The following F10 variants were observed in gnomAD, a reference collection of about 807,000 sequenced individuals.
The protein encoded by F10 is Stuart-Prower factor.
F10 carries 29 observed loss-of-function variants against 37.1 expected under a neutral mutation model. The observed-to-expected ratio is 0.78, with a 90% CI of 0.58 to 1.07. F10 has a LOEUF of 1.07. Among genes scored for constraint, F10 ranks in the 50% least tolerant of loss-of-function variants. The pLI, the probability that F10 is intolerant of heterozygous loss-of-function variation, is 0.00. For synonymous variants in F10, 262 were observed against 268.6 expected, an observed-to-expected ratio of 0.98 and a Z score of 0.24; for missense variants, 539 against 667.9, an observed-to-expected ratio of 0.81 and a Z score of 2.13.
In F10 at chr13:113,143,718, A is replaced by AT; in HGVS notation, c.503-133_503-132insT. ...CCGACGACGTGGGGCCTCGCCCTGC[A>AT]AGCCCGCTGCCCCTCCGGGTGCCCC... On this transcript the variant is annotated intron_variant, in intron 5 of 7. Transcript: ENST00000375559. The surrounding 1 kb of genome is among the most constrained non-coding windows in gnomAD (Gnocchi z 6.8). The AT allele has an allele frequency of 6.1e-6, 8 of 1,316,276 alleles. No individual in the cohort carries two copies. Among genetic ancestry groups the AT allele is most frequent in the South Asian group, 3.2e-5 (2 of 62,422 alleles). The allele number at this position is 1,316,276 out of a possible 1,614,324, so 81.5% of individuals were successfully genotyped here.
In F10 at chr13:113,149,283, G is replaced by A. The variant is rs2036616903; in HGVS notation, c.1233G>A (p.Gln411=). The part of the protein sequence containing the change: ...NMFCAGYDTK[Q]EDACQGDSGG... The stretch of plus-strand genomic sequence containing the variant: ...TCTGTGCCGGCTACGACACCAAGCA[G>A]GAGGATGCCTGCCAGGGGGACAGCG... The change falls in exon 8 of 8, where the codon CAG becomes CAA. Residue 411 remains glutamine, a synonymous_variant. Transcript: ENST00000375559. This position sits in a 1 kb window ranked among gnomAD's most constrained non-coding sequence, Gnocchi z 7.5. 6.2e-7 allele frequency: 1 copy of A among 1,613,230 alleles called. No individual in the cohort carries two copies. The highest frequency in any genetic ancestry group is 8.5e-7 in the Non-Finnish European group (1 of 1,180,040).
chr13:113,143,724 GC>G lies in F10; in HGVS notation c.503-126del. 51 of 1,401,996 alleles carry G rather than the reference GC, an allele frequency of 3.6e-5. No homozygotes were observed. Among genetic ancestry groups the G allele is most frequent in the Admixed American group, 3.1e-4 (15 of 48,852 alleles). The allele number at this position is 1,401,996 out of a possible 1,614,324, so 86.8% of individuals were successfully genotyped here. A position where few individuals can be genotyped will look rare whatever the true frequency, so the allele number is the denominator to read the frequency against. On this transcript the variant is annotated intron_variant, in intron 5 of 7. Coordinates refer to ENST00000375559, the MANE Select transcript of F10 (RefSeq NM_000504.4). The surrounding 1 kb of genome is among the most constrained non-coding windows in gnomAD (Gnocchi z 6.8). ...ACGTGGGGCCTCGCCCTGCAAGCCC[GC>G]TGCCCCTCCGGGTGCCCCTGCGCTC...
At chr13:113,140,236 G>T (rs980629762) in intron 4 of F10, among the ~76,000 whole-genome samples, 1 of 151,888 alleles carries the variant, frequency 6.6e-6, no homozygotes, top group Non-Finnish European at 1.5e-5. Flanking sequence ...ACCAGTCCCG[G>T]CTAATTTTTT....
At position 113,129,458 on chromosome 13, in the gene F10, T is replaced by G. The variant is rs2036405117; in HGVS notation, c.77T>G (p.Ile26Ser). Residue 26 changes from isoleucine to serine, a missense_variant, in exon 2 of 8, where the codon ATC (isoleucine) becomes AGC (serine). By Grantham distance (142) the Ile-to-Ser change is moderately radical. Coordinates refer to ENST00000375559, the MANE Select transcript of F10 (RefSeq NM_000504.4). ...TGTCCTCCCTGCCTTCCAGTGTTCA[T>G]CCGCAGGGAGCAGGCCAACAACATC... ...GLLLLGESLFIRREQANNILA... is the reference protein window; with the variant it reads ...GLLLLGESLFSRREQANNILA... The G allele has an allele frequency of 1.2e-6, 2 of 1,613,652 alleles. No homozygotes were observed. The highest frequency in any genetic ancestry group is 1.3e-5 in the African/African-American group (1 of 74,878).
chr13:113,139,233 T>C lies in F10; in HGVS notation c.257-124T>C, dbSNP rs2036505245. On this transcript the variant is annotated intron_variant, in intron 3 of 7. Transcript: ENST00000375559. The surrounding 1 kb of genome is among the most constrained non-coding windows in gnomAD (Gnocchi z 5.2). ...TAAAGTCCAAAGAGGGGGAGTTGTTTACAGAGAAACCGGAAGACTCTTCCA... is the reference window on the plus strand; with the variant it reads ...TAAAGTCCAAAGAGGGGGAGTTGTTCACAGAGAAACCGGAAGACTCTTCCA... 2.6e-6 allele frequency: 2 copies of C among 754,816 alleles called. No individual in the cohort carries two copies. Among genetic ancestry groups the C allele is most frequent in the Non-Finnish European group, 4.6e-6 (2 of 437,324 alleles). 46.8% of individuals were successfully genotyped at this position (754,816 alleles called of 1,614,324 possible).
In F10 at chr13:113,143,994, G is replaced by A. The variant is rs144711550; in HGVS notation, c.646G>A (p.Asp216Asn). ...ADLDPTENPFDLLDFNQTQPE... is the reference protein window; with the variant it reads ...ADLDPTENPFNLLDFNQTQPE... ...CCTGGACCCCACCGAGAACCCCTTC[G>A]ACCTGCTTGACTTCAACCAGACGCA... The change falls in exon 6 of 8, where the codon GAC becomes AAC. Residue 216 changes from aspartate (D) to asparagine (N), a missense_variant. Around this residue, in one of 2 missense-constraint regions of F10, gnomAD observed 409 missense variants for 547.9 expected, o/e 0.75. Coordinates refer to ENST00000375559, the MANE Select transcript of F10 (RefSeq NM_000504.4). This position sits in a 1 kb window ranked among gnomAD's most constrained non-coding sequence, Gnocchi z 6.8. 1.8e-4 allele frequency: 295 copies of A among 1,613,546 alleles called. 1 individual carries two copies. Among genetic ancestry groups the A allele is most frequent in the Admixed American group, 4.0e-4 (24 of 59,992 alleles).
rs1407545418 is a variant in F10 at position 113,146,850 on chromosome 13, C to T, written c.748-529C>T. On this transcript the variant is annotated intron_variant, in intron 6 of 7. Coordinates refer to ENST00000375559, the MANE Select transcript of F10 (RefSeq NM_000504.4). The surrounding 1 kb of genome is among the most constrained non-coding windows in gnomAD (Gnocchi z 4.5). ...GGCACCCCTGTCAGTGCTTGCTCCC[C>T]TGGGACCGTGTTCCAAGTCCTGGCA... 6.6e-6 allele frequency among the ~76,000 whole-genome samples: 1 copy of T among 152,172 alleles called. No individual in the cohort carries two copies. The highest frequency in any genetic ancestry group is 1.5e-5 in the Non-Finnish European group (1 of 68,034).
Position 113,143,835 on chromosome 13 carries a change from G to A in F10, c.503-16G>A, listed in dbSNP as rs374261004. ...TCTCTCTGTGCTGAAGGCCCCGGCC[G>A]TCCTCTTTCTTTCAGGGCCCTACCC... is the stretch of plus-strand genomic sequence containing the variant. On this transcript the variant is annotated splice_polypyrimidine_tract_variant and intron_variant, in intron 5 of 7. Coordinates refer to ENST00000375559, the MANE Select transcript of F10 (RefSeq NM_000504.4). The surrounding 1 kb of genome is among the most constrained non-coding windows in gnomAD (Gnocchi z 6.8). 5.5e-5 allele frequency: 89 copies of A among 1,610,826 alleles called. No individual in the cohort carries two copies. The highest frequency in any genetic ancestry group is 6.4e-5 in the Non-Finnish European group (75 of 1,179,980).
intron 2 of F10, among the ~76,000 whole-genome samples, chr13:113,133,887 A>T (rs2036455491): frequency 6.6e-6 from 1 of 152,238 alleles, no homozygotes; most frequent in Admixed American, 6.5e-5. Context: ...AAAAATAATT[A>T]TGTAATCCAC....
intron 1 of F10, among the ~76,000 whole-genome samples, chr13:113,125,501 G>T (rs1443587672): frequency 6.6e-6 from 1 of 152,220 alleles, no homozygotes; most frequent in Non-Finnish European, 1.5e-5. Flanking sequence ...CACGACAAAT[G>T]TCTACCAATC....
chr13:113,137,547 T>C (rs1447795950), intron 2 of F10, among the ~76,000 whole-genome samples: 20 of 152,156 alleles, frequency 1.3e-4, no homozygotes, highest in Non-Finnish European at 8.8e-5. Context: ...AGGGCAACCA[T>C]AACAAAGCAC....
chr13:113,140,577 C>A (rs564742359), intron 4 of F10: 57 of 527,052 alleles, frequency 1.1e-4, no homozygotes, highest in South Asian at 8.1e-4. Context: ...GCATGTTGAT[C>A]TTTGCACTGT....
intron 1 of F10, among the ~76,000 whole-genome samples, chr13:113,126,599 C>T (rs953460215): frequency 6.6e-6 from 1 of 152,018 alleles, no homozygotes; most frequent in African/African-American, 2.4e-5. Flanking sequence ...TCTAGGGTAG[C>T]AGAGAAAAAA....
chr13:113,142,896 C>T (rs919319290), intron 5 of F10, among the ~76,000 whole-genome samples: 4 of 151,844 alleles, frequency 2.6e-5, no homozygotes, highest in Non-Finnish European at 5.9e-5. Context: ...CATGCCATTG[C>T]ACTCCAGCCT....
intron 2 of F10, 112 bp downstream of exon 2, chr13:113,129,724 C>T (rs986257056): frequency 2.8e-6 from 4 of 1,426,980 alleles, no homozygotes; most frequent in Non-Finnish European, 3.9e-6. Flanking sequence ...GGGCAGCGTG[C>T]GCGAAGGCTT....
At chr13:113,126,730 G>A (rs1336062241) in intron 1 of F10, among the ~76,000 whole-genome samples, 3 of 152,226 alleles carry the variant, frequency 2.0e-5, no homozygotes, top group African/African-American at 7.2e-5. Flanking sequence ...GCGGTCTTCA[G>A]ACCCCAACTG....
At chr13:113,123,278 T>C (rs1595084954) in intron 1 of F10, among the ~76,000 whole-genome samples, 1 of 149,644 alleles carries the variant, frequency 6.7e-6, no homozygotes, top group Admixed American at 6.6e-5. Flanking sequence ...GAGGGAGGGG[T>C]TGGGGCAGGC....
Position 113,144,031 on chromosome 13 carries a change from G to T in F10, c.683G>T (p.Gly228Val), listed in dbSNP as rs778559906. 1 of 1,613,822 alleles carries T rather than the reference G, an allele frequency of 6.2e-7. No individual in the cohort carries two copies. The highest frequency in any genetic ancestry group is 1.1e-5 in the South Asian group (1 of 91,068). The change falls in exon 6 of 8, where the codon GGC (glycine) becomes GTC (valine). Residue 228 changes from glycine (G) to valine (V), a missense_variant. This residue lies in a region of F10 where 409 missense variants were observed against 547.9 expected (regional missense o/e 0.75). Transcript: ENST00000375559. This position sits in a 1 kb window ranked among gnomAD's most constrained non-coding sequence, Gnocchi z 6.4. Reference protein sequence around the residue: ...LDFNQTQPERGDNNLTRIVGG... With the variant: ...LDFNQTQPERVDNNLTRIVGG... ...TTCAACCAGACGCAGCCTGAGAGGG[G>T]CGACAACAACCTCACCAGGATCGTG...
intron 1 of F10, among the ~76,000 whole-genome samples, chr13:113,125,242 C>A (rs1417673137): frequency 6.6e-6 from 1 of 152,230 alleles, no homozygotes; most frequent in Non-Finnish European, 1.5e-5. Flanking sequence ...GCAGTGCCAG[C>A]CTTTAAACTA....
Sources: allele counts gnomAD v4.1 joint callset (sites outside exome capture counted in the v4.1 genomes callset), GRCh38; gene constraint gnomAD v4.1.1; regional missense constraint gnomAD v4.1.1; non-coding constraint Gnocchi (gnomAD v3.1); transcripts MANE v1.5; gene names NCBI Gene and HGNC (gene_info 2026-07-23, HGNC 2026-07-21).